PRAMEF19: variants seen among roughly 807,000 people sequenced by gnomAD.
PRAMEF19 encodes PRAME family member 19, also known as PRAME family member-like.
PRAMEF19 carries 21 observed loss-of-function variants against 33.1 expected under a neutral mutation model. That is an observed-to-expected ratio of 0.63 (90% CI 0.45 to 0.91). PRAMEF19 has a LOEUF of 0.91. Ranked by LOEUF, PRAMEF19 falls within the 40% of genes least tolerant of loss-of-function variation. The pLI is 0.00. For synonymous variants in PRAMEF19, 179 were observed against 229.3 expected (o/e 0.78, Z 1.98); for missense variants, 481 against 585.2 (o/e 0.82, Z 1.84).
rs1366964474 is a variant in PRAMEF19, at chr1:13,370,547, A to G, written c.866+102T>C. ...TGCATTCTAGTATCCCCTTCCCTGG[A>G]CATCTCCAGTGGCTGGCACACAGTA... On this transcript the variant is annotated intron_variant, in intron 2 of 2. Coordinates refer to ENST00000376101, the Ensembl canonical transcript of PRAMEF19. 2.7e-6 allele frequency: 4 copies of G among 1,460,652 alleles called. No homozygotes were observed. In the African/African-American group the frequency reaches 4.2e-5, roughly 15 times the overall value. 90.5% of individuals were successfully genotyped at this position (1,460,652 alleles called of 1,614,324 possible). A position where few individuals can be genotyped will look rare whatever the true frequency, so the allele number is the denominator to read the frequency against.
chr1:13,371,687 T>C, exon 1 of PRAMEF19: 1 of 1,610,062 alleles, frequency 6.2e-7, no homozygotes, highest in South Asian at 1.1e-5. Context: ...AGATCAGGCG[T>C]CTTCATCAGG....
At chr1:13,368,886 G>C (rs1299712283), downstream of PRAMEF19, among the ~76,000 whole-genome samples, 1 of 152,114 alleles carries the variant, frequency 6.6e-6, no homozygotes. Context: ...GGCCAAGCAG[G>C]GGGCTCCCTT....
chr1:13,369,133 A>T (rs1481976258), exon 3 of PRAMEF19: 19 of 1,612,018 alleles, frequency 1.2e-5, no homozygotes, highest in Non-Finnish European at 1.6e-5. Flanking sequence ...TGCCACAGCA[A>T]GGGCAGGAGA....
Position 13,370,613 on chromosome 1 carries a change from T to G in PRAMEF19, c.866+36A>C, listed in dbSNP as rs1640658027. ...TTACTGTAACAAAAAAAGGCTGTGC[T>G]GTGTCCCCCAGAGAAAGCTCACCAT... On this transcript the variant is annotated intron_variant, in intron 2 of 2. Coordinates refer to ENST00000376101, the Ensembl canonical transcript of PRAMEF19. The G allele has an allele frequency of 1.9e-5, 30 of 1,612,896 alleles. No homozygotes were observed. In the South Asian group the frequency reaches 3.2e-4, roughly 17 times the overall value.
At chr1:13,370,183 T>A (rs1640653314) in intron 2 of PRAMEF19, among the ~76,000 whole-genome samples, 2 of 152,294 alleles carry the variant, frequency 1.3e-5, no homozygotes, top group African/African-American at 4.8e-5. Context: ...TTCACTAAGC[T>A]GTGAGGACAG....
chr1:13,369,168 G>T (rs1338530770), exon 3 of PRAMEF19: 3 of 1,611,826 alleles, frequency 1.9e-6, no homozygotes, highest in East Asian at 4.5e-5. Context: ...ATCCTGTTGG[G>T]CTCCCTTACT....
intron 2 of PRAMEF19, 29 bp from the exon 3 acceptor site, chr1:13,369,669 C>T: frequency 6.2e-7 from 1 of 1,613,154 alleles, no homozygotes; most frequent in South Asian, 1.1e-5. Context: ...TAGTACTGGG[C>T]AATGGCACCA....
rs768020518 is a variant in PRAMEF19, at chr1:13,369,236, C to T, written c.1271G>A (p.Arg424His). 28 of 1,611,910 alleles carry T rather than the reference C, an allele frequency of 1.7e-5. No individual in the cohort carries two copies. Among genetic ancestry groups the T allele is most frequent in the South Asian group, 4.4e-5 (4 of 90,990 alleles). The change falls in exon 3 of 3, where the codon CGT (arginine) becomes CAT (histidine). Residue 424 changes from arginine (R) to histidine (H), a missense_variant. Physicochemically the swap from Arg to His is conservative, Grantham distance 29. Transcript: ENST00000376101. The stretch of plus-strand genomic sequence containing the variant: ...TGGGGTGAGGAGCTCCGAAATGACA[C>T]GACCCCTGTTGTCAAGACTCTCCCG...
exon 3 of PRAMEF19, chr1:13,369,617 G>T (rs1313984531): frequency 2.0e-5 from 33 of 1,613,834 alleles, no homozygotes; most frequent in Non-Finnish European, 2.8e-5. Context: ...TAATGCCAAT[G>T]TCTCCAACGG....
At position 13,370,855 on chromosome 1, in the gene PRAMEF19, C is replaced by T; in HGVS notation, c.660G>A (p.Met220Ile). The change falls in exon 2 of 3, where the codon ATG becomes ATA. Residue 220 changes from methionine (M) to isoleucine (I), a missense_variant. Met to Ile is a conservative substitution (Grantham distance 10). Coordinates refer to ENST00000376101, the Ensembl canonical transcript of PRAMEF19. ...TCAGGTAACGGCTAACCTCTGCTAC[C>T]ATACACGGCCAGCACATGTTCCAAA... The T allele has an allele frequency of 3.1e-6, 5 of 1,613,936 alleles. No homozygotes were observed. In the East Asian group the frequency reaches 8.9e-5, roughly 29 times the overall value.
upstream of PRAMEF19, chr1:13,371,941 T>G (rs1404292342): frequency 1.6e-5 from 25 of 1,611,640 alleles, no homozygotes; most frequent in African/African-American, 1.3e-5. Flanking sequence ...AAAGACAAAC[T>G]TATCAGGCCA....
exon 2 of PRAMEF19, chr1:13,371,036 A>G: frequency 1.2e-6 from 2 of 1,612,010 alleles, no homozygotes; most frequent in African/African-American, 2.7e-5. Flanking sequence ...ATCTTCATCC[A>G]CGGATTTTTC....
chr1:13,371,931 A>C (rs1410697781), upstream of PRAMEF19: 2 of 1,611,838 alleles, frequency 1.2e-6, no homozygotes, highest in Admixed American at 1.7e-5. Context: ...AATCCAGAGA[A>C]AAGACAAACT....
chr1:13,368,431 CA>C (rs1190941219), downstream of PRAMEF19, among the ~76,000 whole-genome samples: 1 of 151,640 alleles, frequency 6.6e-6, no homozygotes, highest in Non-Finnish European at 1.5e-5. Context: ...AACACAACAA[CA>C]AAATGAAGTT....
chr1:13,369,096 T>C, exon 3 of PRAMEF19: 2 of 1,611,936 alleles, frequency 1.2e-6, no homozygotes, highest in Non-Finnish European at 1.7e-6. Flanking sequence ...AAGCAAAAAT[T>C]GAACTCCAGT....
chr1:13,370,989 G>C (rs1225656816), exon 2 of PRAMEF19: 83,524 of 1,611,180 alleles, frequency 0.052, 3,418 homozygotes, highest in East Asian at 0.25. Context: ...TGTACTGAAC[G>C]TCTTCTGTGC....
At chr1:13,368,887 G>T (rs1347351168), downstream of PRAMEF19, among the ~76,000 whole-genome samples, 4,150 of 140,472 alleles carry the variant, frequency 0.03, no homozygotes, top group Non-Finnish European at 0.047. Flanking sequence ...GCCAAGCAGG[G>T]GGCTCCCTTA....
chr1:13,370,188 G>A (rs1640653360), intron 2 of PRAMEF19, among the ~76,000 whole-genome samples: 1 of 152,256 alleles, frequency 6.6e-6, no homozygotes, highest in African/African-American at 2.4e-5. Context: ...TAAGCTGTGA[G>A]GACAGAGCTT....
At chr1:13,368,722 C>T (rs772715785), downstream of PRAMEF19, among the ~76,000 whole-genome samples, 7,289 of 152,146 alleles carry the variant, frequency 0.048, 344 homozygotes, top group East Asian at 0.27. Context: ...TCCATTCAAC[C>T]TTTTCCCCAG....
Sources: allele counts gnomAD v4.1 joint callset (sites outside exome capture counted in the v4.1 genomes callset), GRCh38; gene constraint gnomAD v4.1.1; transcripts MANE v1.5; gene names NCBI Gene and HGNC (gene_info 2026-07-23, HGNC 2026-07-21).